The following LRRC69 variants were observed in gnomAD, a reference collection of about 807,000 sequenced individuals.
The protein encoded by LRRC69 is leucine rich repeat containing 69.
In LRRC69, 42 loss-of-function variants were observed where a neutral mutation model predicts 37.8. The ratio of observed to expected loss-of-function variants is 1.11; its 90% confidence interval spans 0.87 to 1.44. The LOEUF (loss-of-function observed/expected upper bound fraction) is 1.44. LRRC69 is among the 40% of genes most tolerant of loss of function. LRRC69 has a pLI of 0.00. For synonymous variants in LRRC69, 141 were observed against 143.1 expected, an observed-to-expected ratio of 0.99 and a Z score of 0.11; for missense variants, 357 against 401.9, an observed-to-expected ratio of 0.89 and a Z score of 0.96.
chr8:91,145,958 T>C (rs1808612037), intron 5 of LRRC69, among the ~76,000 whole-genome samples: 1 of 151,894 alleles, frequency 6.6e-6, no homozygotes, highest in South Asian at 2.1e-4. Context: ...TTGTTCAAAT[T>C]CTTGTTTTAA....
chr8:91,113,008 C>T (rs571122130), intron 1 of LRRC69, among the ~76,000 whole-genome samples: 10 of 151,702 alleles, frequency 6.6e-5, no homozygotes, highest in African/African-American at 2.4e-4. Flanking sequence ...TCACAAACAA[C>T]CAAACAGGTC....
At chr8:91,166,285 G>A (rs144078876) in intron 5 of LRRC69, among the ~76,000 whole-genome samples, 1 of 151,772 alleles carries the variant, frequency 6.6e-6, no homozygotes, top group Non-Finnish European at 1.5e-5. Flanking sequence ...GCTCCAGCAT[G>A]TTCCTCCACC....
intron 5 of LRRC69, among the ~76,000 whole-genome samples, chr8:91,182,143 A>G: frequency 6.6e-6 from 1 of 152,342 alleles, no homozygotes; most frequent in East Asian, 1.9e-4. Context: ...TTAGGAAAAT[A>G]TAAAAGTGCA....
intron 5 of LRRC69, among the ~76,000 whole-genome samples, chr8:91,160,238 G>A (rs888889513): frequency 1.3e-5 from 2 of 149,658 alleles, no homozygotes. Context: ...TTTGTATCCT[G>A]CAACTTTATT....
intron 5 of LRRC69, among the ~76,000 whole-genome samples, chr8:91,181,759 T>A (rs1235346002): frequency 1.3e-5 from 2 of 152,162 alleles, no homozygotes; most frequent in Non-Finnish European, 2.9e-5. Context: ...AAGCAATTGA[T>A]GAATGGAATT....
chr8:91,212,923 A>G (rs1490410348), intron 7 of LRRC69, among the ~76,000 whole-genome samples: 1 of 152,200 alleles, frequency 6.6e-6, no homozygotes, highest in Non-Finnish European at 1.5e-5. Flanking sequence ...TGTCTTGATT[A>G]CTTTTACTCC....
chr8:91,180,158 C>A (rs1468630832), intron 5 of LRRC69, among the ~76,000 whole-genome samples: 2 of 152,142 alleles, frequency 1.3e-5, no homozygotes, highest in Non-Finnish European at 2.9e-5. Context: ...TTATTTCACA[C>A]AGGTTCTGAG....
At chr8:91,176,134 A>ATATATTTTTTTTTTTTTTTTTTTT in intron 5 of LRRC69, among the ~76,000 whole-genome samples, 1 of 75,710 alleles carries the variant, frequency 1.3e-5, no homozygotes, top group Non-Finnish European at 2.4e-5. Context: ...ATATATATAT[A>ATATATTTTTTTTTTTTTTTTTTTT]TTTTTTTTTT....
Position 91,200,729 on chromosome 8 carries a change from A to G in LRRC69, c.870A>G (p.Ala290=). The change falls in exon 7 of 8, where the codon GCA becomes GCG. Residue 290 remains alanine, a synonymous_variant. Coordinates refer to ENST00000448384, the Ensembl canonical transcript of LRRC69. ...TGATCTCTCAGGGAAAAACATGTGC[A>G]ATATGTGGACAGTACTTTATAACCG... 4 of 1,539,800 alleles carry G rather than the reference A, an allele frequency of 2.6e-6. No homozygotes were observed. In the South Asian group the frequency reaches 3.7e-5, roughly 14 times the overall value.
At position 91,157,631 on chromosome 8, in the gene LRRC69, CT is replaced by C. The variant is rs1808860299; in HGVS notation, c.651+21893del. 3 of 1,571,184 alleles carry C rather than the reference CT, an allele frequency of 1.9e-6. No homozygotes were observed. In the East Asian group the frequency reaches 6.7e-5, roughly 35 times the overall value. Reference sequence around the variant, plus strand: ...AAGGCAGATGAAGACTTTCAGGAATCTAATAAAATGCACTGGACTTTTAATG... The same window carrying C: ...AAGGCAGATGAAGACTTTCAGGAATCAATAAAATGCACTGGACTTTTAATG... On this transcript the variant is annotated intron_variant, in intron 5 of 7. Coordinates refer to ENST00000448384, the Ensembl canonical transcript of LRRC69.
intron 5 of LRRC69, among the ~76,000 whole-genome samples, chr8:91,137,997 C>A (rs1008379800): frequency 6.6e-6 from 1 of 151,934 alleles, no homozygotes; most frequent in African/African-American, 2.4e-5. Flanking sequence ...CATTAATTTC[C>A]TATTTTCTAA....
At position 91,157,776 on chromosome 8, in the gene LRRC69, A is replaced by C. The variant is rs117773835; in HGVS notation, c.651+22037A>C. 5.4e-4 allele frequency: 871 copies of C among 1,607,640 alleles called. 15 individuals carry two copies. In the East Asian group the frequency reaches 0.013, roughly 24 times the overall value. The stretch of plus-strand genomic sequence containing the variant: ...TTCTACCTGGGAGAGAGGACATACT[A>C]TATCGCAGCAGTGGAAGTGGAATGG... On this transcript the variant is annotated intron_variant, in intron 5 of 7. Transcript: ENST00000448384.
intron 5 of LRRC69, among the ~76,000 whole-genome samples, chr8:91,142,417 T>C (rs1411637933): frequency 6.6e-6 from 1 of 152,104 alleles, no homozygotes; most frequent in Admixed American, 6.6e-5. Context: ...ATCTAAAAAT[T>C]TGCAAGTTAT....
chr8:91,169,541 C>T (rs992014480), intron 5 of LRRC69, among the ~76,000 whole-genome samples: 2 of 150,706 alleles, frequency 1.3e-5, no homozygotes, highest in Admixed American at 1.3e-4. Context: ...TTTATTATAC[C>T]TTAAGTTTTA....
chr8:91,174,811 C>T (rs556451062), intron 5 of LRRC69, among the ~76,000 whole-genome samples: 23 of 152,128 alleles, frequency 1.5e-4, no homozygotes, highest in Non-Finnish European at 2.9e-4. Context: ...GCAAGGTTTA[C>T]AAGTATGGTT....
intron 1 of LRRC69, among the ~76,000 whole-genome samples, chr8:91,122,601 C>T (rs1813648208): frequency 6.6e-6 from 1 of 152,040 alleles, no homozygotes; most frequent in Non-Finnish European, 1.5e-5. Flanking sequence ...ATTCATGAAA[C>T]TGTGGCAGGT....
chr8:91,185,362 T>A (rs997343062), intron 5 of LRRC69, among the ~76,000 whole-genome samples: 2 of 116,350 alleles, frequency 1.7e-5, no homozygotes, highest in Non-Finnish European at 4.0e-5. Flanking sequence ...TCTCTCTCTA[T>A]CTGTGTGTGT....
At chr8:91,199,693 TA>T (rs1809680993) in intron 6 of LRRC69, among the ~76,000 whole-genome samples, 2 of 152,134 alleles carry the variant, frequency 1.3e-5, no homozygotes, top group South Asian at 2.1e-4. Flanking sequence ...CAAACACTGT[TA>T]AAATTTCAAG....
intron 5 of LRRC69, among the ~76,000 whole-genome samples, chr8:91,147,024 T>C (rs1268563571): frequency 6.6e-6 from 1 of 151,478 alleles, no homozygotes; most frequent in Non-Finnish European, 1.5e-5. Flanking sequence ...TCCTACCAAG[T>C]TGATTTAAGG....
Sources: allele counts gnomAD v4.1 joint callset (sites outside exome capture counted in the v4.1 genomes callset), GRCh38; gene constraint gnomAD v4.1.1; transcripts MANE v1.5; gene names NCBI Gene and HGNC (gene_info 2026-07-23, HGNC 2026-07-21).